SLX4IP: variants seen among roughly 807,000 people sequenced by gnomAD.
SLX4IP encodes the protein SLX4 interacting protein.
SLX4IP carries 34 observed loss-of-function variants against 32.9 expected under a neutral mutation model. The ratio of observed to expected loss-of-function variants is 1.03; its 90% CI spans 0.79 to 1.38. The LOEUF is 1.38. Ranked by LOEUF, SLX4IP falls within the 40% of genes most tolerant of loss-of-function variation. SLX4IP has a pLI of 0.00. For synonymous variants in SLX4IP, 172 were observed against 171.7 expected, an observed-to-expected ratio of 1.00 and a Z score of -0.01; for missense variants, 444 against 479.0, an observed-to-expected ratio of 0.93 and a Z score of 0.68.
At chr20:10,558,636 G>T (rs1030194520) in intron 3 of SLX4IP, among the ~76,000 whole-genome samples, 1 of 152,188 alleles carries the variant, frequency 6.6e-6, no homozygotes, top group Non-Finnish European at 1.5e-5. Context: ...TATTTTGAGT[G>T]CAGCACGAGT....
At chr20:10,513,002 G>A (rs1428297846) in intron 2 of SLX4IP, among the ~76,000 whole-genome samples, 1 of 151,638 alleles carries the variant, frequency 6.6e-6, no homozygotes, top group Non-Finnish European at 1.5e-5. Context: ...ACCATGGTCA[G>A]TCATTTTTTG....
chr20:10,598,627 T>A, intron 4 of SLX4IP, 48 bp from the exon 5 acceptor site: 1 of 1,552,172 alleles, frequency 6.4e-7, no homozygotes, highest in East Asian at 2.2e-5. Flanking sequence ...CTCCAGAGAT[T>A]TAGCGGCAAA....
At chr20:10,550,374 A>G (rs143599724) in intron 2 of SLX4IP, among the ~76,000 whole-genome samples, 1,636 of 152,280 alleles carry the variant, frequency 0.011, 32 homozygotes, top group African/African-American at 0.037. Context: ...CTGGAAACCC[A>G]GTGGGCGTGG....
rs1441012026 is a variant in SLX4IP, at chr20:10,461,928, C to T, written c.27+3697C>T. On this transcript the variant is annotated intron_variant, in intron 2 of 7. Coordinates refer to ENST00000334534, the MANE Select transcript of SLX4IP (RefSeq NM_001009608.3). ...GAGTAGCTGGGACCACAGGCATGCA[C>T]CACCACTCTCGGCTAATTTTTTTTA... Among the ~76,000 whole-genome samples the T allele has an allele frequency of 1.3e-5, 2 of 152,100 alleles. 1 individual carries two copies. The highest frequency in any genetic ancestry group is 4.8e-5 in the African/African-American group (2 of 41,394).
intron 4 of SLX4IP, among the ~76,000 whole-genome samples, chr20:10,561,427 C>T (rs948826821): frequency 6.6e-6 from 1 of 151,940 alleles, no homozygotes. Flanking sequence ...ATTGTATGAG[C>T]TCAATTTTTT....
chr20:10,532,444 G>A (rs962391699), intron 2 of SLX4IP, among the ~76,000 whole-genome samples: 1 of 152,054 alleles, frequency 6.6e-6, no homozygotes, highest in Admixed American at 6.6e-5. Flanking sequence ...ATGAAGGAGG[G>A]AAAGATCCCT....
chr20:10,615,206 C>T (rs1042135403), intron 6 of SLX4IP, among the ~76,000 whole-genome samples: 4 of 152,050 alleles, frequency 2.6e-5, no homozygotes, highest in Non-Finnish European at 5.9e-5. Flanking sequence ...CTCCCTTGAC[C>T]CCATCTCAGG....
chr20:10,567,527 C>T (rs905135145), intron 4 of SLX4IP, among the ~76,000 whole-genome samples: 1 of 152,118 alleles, frequency 6.6e-6, no homozygotes, highest in Non-Finnish European at 1.5e-5. Context: ...GTGCCTTGAT[C>T]TTGGACTTCT....
At chr20:10,550,902 T>C (rs1006276519) in intron 2 of SLX4IP, among the ~76,000 whole-genome samples, 4 of 152,216 alleles carry the variant, frequency 2.6e-5, no homozygotes, top group Admixed American at 2.6e-4. Flanking sequence ...GTATGTGCCG[T>C]GGTCACACAT....
intron 5 of SLX4IP, among the ~76,000 whole-genome samples, chr20:10,600,009 G>T (rs181597081): frequency 0.023 from 3,526 of 151,660 alleles, 102 homozygotes; most frequent in African/African-American, 0.069. Context: ...TTCCAGTTCT[G>T]ATCCACTAAT....
chr20:10,554,640 G>T (rs1354157205), intron 2 of SLX4IP, among the ~76,000 whole-genome samples: 7 of 152,084 alleles, frequency 4.6e-5, no homozygotes, highest in South Asian at 2.1e-4. Context: ...ATTCTGGTGG[G>T]TATTGTAGTT....
chr20:10,563,817 T>G (rs143090957), intron 4 of SLX4IP, among the ~76,000 whole-genome samples: 1,645 of 152,336 alleles, frequency 0.011, 32 homozygotes, highest in African/African-American at 0.038. Context: ...AGCTTTGTAG[T>G]ATATTTTGAA....
At chr20:10,506,682 G>A (rs1409430291) in intron 2 of SLX4IP, among the ~76,000 whole-genome samples, 1 of 152,052 alleles carries the variant, frequency 6.6e-6, no homozygotes, top group Non-Finnish European at 1.5e-5. Flanking sequence ...TTCTCTTAGG[G>A]GTCTCACATT....
At chr20:10,506,103 C>T (rs1473019027) in intron 2 of SLX4IP, among the ~76,000 whole-genome samples, 10 of 152,308 alleles carry the variant, frequency 6.6e-5, no homozygotes, top group Middle Eastern at 3.4e-3. Context: ...TGGTGTGCAA[C>T]TGTGTCAACA....
At position 10,612,022 on chromosome 20, in the gene SLX4IP, C is replaced by G. The variant is rs138051092; in HGVS notation, c.406-9292C>G. Among the ~76,000 whole-genome samples, 20 of 152,294 alleles carry G rather than the reference C, an allele frequency of 1.3e-4. No individual in the cohort carries two copies. In the East Asian group the frequency reaches 3.7e-3, roughly 28 times the overall value. On this transcript the variant is annotated intron_variant, in intron 6 of 7. Transcript: ENST00000334534. ...ATGCACGGCCTCAGTCTTTGTGGGTCTCATTCTTCTCATCCATCACATAGT... is the reference window on the plus strand; with the variant it reads ...ATGCACGGCCTCAGTCTTTGTGGGTGTCATTCTTCTCATCCATCACATAGT...
At chr20:10,524,018 G>A (rs563791560) in intron 2 of SLX4IP, among the ~76,000 whole-genome samples, 13 of 152,222 alleles carry the variant, frequency 8.5e-5, no homozygotes, top group South Asian at 2.1e-4. Context: ...CTGGCTGGTC[G>A]AACGTAAGAG....
At chr20:10,475,944 A>G (rs1279856336) in intron 2 of SLX4IP, among the ~76,000 whole-genome samples, 8 of 152,182 alleles carry the variant, frequency 5.3e-5, no homozygotes, top group Admixed American at 5.2e-4. Flanking sequence ...TTTACAGAAC[A>G]TAGTAATGAG....
At chr20:10,512,943 A>T (rs2065823646) in intron 2 of SLX4IP, among the ~76,000 whole-genome samples, 1 of 151,136 alleles carries the variant, frequency 6.6e-6, no homozygotes, top group Non-Finnish European at 1.5e-5. Context: ...AGCCACTTTA[A>T]ATTTCTTAAT....
intron 2 of SLX4IP, among the ~76,000 whole-genome samples, chr20:10,499,782 T>A (rs2122411279): frequency 6.6e-6 from 1 of 152,324 alleles, no homozygotes; most frequent in South Asian, 2.1e-4. Flanking sequence ...GTCAAAATGA[T>A]AAAAGTTAAA....
Sources: allele counts gnomAD v4.1 joint callset (sites outside exome capture counted in the v4.1 genomes callset), GRCh38; gene constraint gnomAD v4.1.1; transcripts MANE v1.5; gene names NCBI Gene and HGNC (gene_info 2026-07-23, HGNC 2026-07-21).